Variants in HEMK2 observed in about 807,000 individuals in gnomAD.
HEMK2 encodes the protein methyltransferase HEMK2.
the HEMK2 span, among the ~76,000 whole-genome samples, chr21:28,674,423 G>C: frequency 6.6e-6 from 1 of 152,022 alleles, no homozygotes; most frequent in African/African-American, 2.4e-5. Flanking sequence ...CCCTGTCTTG[G>C]AGTCTGGATC....
chr21:28,639,934 A>G, the HEMK2 span, among the ~76,000 whole-genome samples: 452 of 152,270 alleles, frequency 3.0e-3, 2 homozygotes, highest in African/African-American at 0.011. Context: ...GTATTAGGAA[A>G]CCAGCAGGGA....
At chr21:28,755,336 T>G in the HEMK2 span, among the ~76,000 whole-genome samples, 625 of 152,330 alleles carry the variant, frequency 4.1e-3, 6 homozygotes, top group African/African-American at 0.014. Context: ...AAAACATGTG[T>G]GTCCACCACG....
chr21:28,678,389 C>T, the HEMK2 span, among the ~76,000 whole-genome samples: 1 of 152,080 alleles, frequency 6.6e-6, no homozygotes, highest in Admixed American at 6.5e-5. Context: ...AAATATGGGA[C>T]TATGTGAAAA....
chr21:28,582,944 T>A, the HEMK2 span, among the ~76,000 whole-genome samples: 13 of 152,188 alleles, frequency 8.5e-5, no homozygotes. Flanking sequence ...CATCAGGGTT[T>A]TACAGAATGG....
the HEMK2 span, among the ~76,000 whole-genome samples, chr21:28,813,636 A>G: frequency 6.6e-6 from 1 of 152,226 alleles, no homozygotes; most frequent in African/African-American, 2.4e-5. Context: ...TCGTAAGCAA[A>G]AGAACAAAGC....
the HEMK2 span, among the ~76,000 whole-genome samples, chr21:28,727,523 C>A: frequency 6.6e-6 from 1 of 152,170 alleles, no homozygotes; most frequent in East Asian, 1.9e-4. Flanking sequence ...CAAAGTTGCA[C>A]CCTGCGTGCT....
chr21:28,687,458 T>C, the HEMK2 span, among the ~76,000 whole-genome samples: 1 of 152,320 alleles, frequency 6.6e-6, no homozygotes, highest in African/African-American at 2.4e-5. Flanking sequence ...ACCTGTGATA[T>C]ACATTTTTAT....
chr21:28,724,768 GTTTT>G, the HEMK2 span, among the ~76,000 whole-genome samples: 1 of 151,926 alleles, frequency 6.6e-6, no homozygotes, highest in Non-Finnish European at 1.5e-5. Context: ...CATGTATCAG[GTTTT>G]TTGTTTTTGT....
the HEMK2 span, among the ~76,000 whole-genome samples, chr21:28,751,629 A>C: frequency 6.6e-6 from 1 of 152,176 alleles, no homozygotes; most frequent in South Asian, 2.1e-4. Context: ...TTCAAAGCCA[A>C]TTTTTAACAT....
chr21:28,851,512 G>A, the HEMK2 span, among the ~76,000 whole-genome samples: 1 of 152,140 alleles, frequency 6.6e-6, no homozygotes, highest in African/African-American at 2.4e-5. Flanking sequence ...TTGTCGGAGG[G>A]GCCAAATGCA....
the HEMK2 span, among the ~76,000 whole-genome samples, chr21:28,659,470 T>A: frequency 6.6e-6 from 1 of 152,080 alleles, no homozygotes; most frequent in Non-Finnish European, 1.5e-5. Context: ...CCAGGCATTT[T>A]AAAAGTGCCA....
chr21:28,674,978 G>A, the HEMK2 span: 3 of 152,280 alleles, frequency 2.0e-5, no homozygotes, highest in East Asian at 3.9e-4. Context: ...TGGGAGTTAG[G>A]TTTCAACATA....
chr21:28,758,422 T>C, the HEMK2 span, among the ~76,000 whole-genome samples: 1 of 152,086 alleles, frequency 6.6e-6, no homozygotes, highest in Non-Finnish European at 1.5e-5. Context: ...GAAAGGAATC[T>C]GGAAAAGACA....
the HEMK2 span, among the ~76,000 whole-genome samples, chr21:28,862,801 TC>T: frequency 1.3e-5 from 2 of 152,248 alleles, no homozygotes; most frequent in Admixed American, 6.5e-5. Flanking sequence ...TCATTTTATT[TC>T]CTTTCTCCTT....
At chr21:28,616,680 T>C in the HEMK2 span, among the ~76,000 whole-genome samples, 2 of 152,182 alleles carry the variant, frequency 1.3e-5, no homozygotes, top group African/African-American at 2.4e-5. Flanking sequence ...TAATTTGTTT[T>C]TCTATTTCCT....
chr21:28,606,340 G>A, the HEMK2 span, among the ~76,000 whole-genome samples: 1,288 of 152,288 alleles, frequency 8.5e-3, 18 homozygotes, highest in African/African-American at 0.029. Flanking sequence ...CTAAAACAGT[G>A]TTGTACATGC....
At chr21:28,768,118 T>C in the HEMK2 span, among the ~76,000 whole-genome samples, 2 of 152,098 alleles carry the variant, frequency 1.3e-5, no homozygotes, top group Non-Finnish European at 2.9e-5. Flanking sequence ...CTCTCACAGC[T>C]AGAGGTAGTC....
At chr21:28,791,373 G>A in the HEMK2 span, among the ~76,000 whole-genome samples, 1 of 152,104 alleles carries the variant, frequency 6.6e-6, no homozygotes, top group Admixed American at 6.5e-5. Flanking sequence ...AGATGGTGGG[G>A]TATTGTTCCT....
At chr21:28,879,906 C>T in the HEMK2 span, 87 of 1,599,590 alleles carry the variant, frequency 5.4e-5, no homozygotes, top group Non-Finnish European at 7.2e-5. Context: ...GGGGATTAAA[C>T]ACCAGAAGAT....
Sources: gnomAD v4.1 joint callset for allele counts (sites outside exome capture counted in the v4.1 genomes callset) on GRCh38, gnomAD v4.1.1 for gene constraint, MANE v1.5 for transcripts, NCBI Gene and HGNC (gene_info 2026-07-23, HGNC 2026-07-21) for gene names.